The following TDRP variants were observed in gnomAD, a reference collection of about 807,000 sequenced individuals.
The protein encoded by TDRP is testis development related protein.
A neutral mutation model predicts 10.5 loss-of-function variants in TDRP; 12 were observed. The observed-to-expected ratio is 1.15, with a 90% CI of 0.73 to 1.86. The LOEUF (loss-of-function observed/expected upper bound fraction) is 1.86, where lower values mean the gene tolerates loss of function less well. Among genes scored for constraint, TDRP ranks in the 40% most tolerant of loss-of-function variants. TDRP has a pLI of 0.00. For missense variants in TDRP, 353 were observed against 229.2 expected (o/e 1.54, Z -3.49); for synonymous variants, 139 against 95.4 (o/e 1.46, Z -2.67).
At chr8:502,939 C>A (rs538672489) in intron 1 of TDRP, among the ~76,000 whole-genome samples, 8 of 151,874 alleles carry the variant, frequency 5.3e-5, no homozygotes, top group African/African-American at 1.7e-4. Flanking sequence ...AACATTGAAT[C>A]CAGAGCCACA....
chr8:491,797 T>G lies in TDRP; in HGVS notation c.*602A>C. The G allele has an allele frequency of 1.6e-6, 2 of 1,261,610 alleles. No individual in the cohort carries two copies. The highest frequency in any genetic ancestry group is 9.9e-7 in the Non-Finnish European group (1 of 1,005,386). 78.2% of individuals were successfully genotyped at this position (1,261,610 alleles called of 1,614,324 possible). ...TATCCAGTGGACATACAAGAAGCTA[T>G]TCCTCCCTCAGCAAAAGATGAACAT... is the stretch of plus-strand genomic sequence containing the variant. On this transcript the variant is annotated 3_prime_UTR_variant, in exon 3 of 3. Coordinates refer to ENST00000324079, the MANE Select transcript of TDRP (RefSeq NM_001384899.1).
intron 1 of TDRP, among the ~76,000 whole-genome samples, chr8:510,340 C>G (rs1242365861): frequency 6.6e-6 from 1 of 152,096 alleles, no homozygotes; most frequent in Non-Finnish European, 1.5e-5. Context: ...CTTCAAGTCA[C>G]TTCATTAGCA....
intron 1 of TDRP, among the ~76,000 whole-genome samples, chr8:542,980 C>G (rs961052926): frequency 6.6e-6 from 1 of 151,418 alleles, no homozygotes; most frequent in Non-Finnish European, 1.5e-5. Context: ...ATCTCCTATT[C>G]TTCTACTTTT....
Position 492,000 on chromosome 8 carries a change from AGCTGCATTTATACGT to A in TDRP, c.*384_*398del. 1 of 1,116,348 alleles carries A rather than the reference AGCTGCATTTATACGT, an allele frequency of 9.0e-7. No individual in the cohort carries two copies. The highest frequency in any genetic ancestry group is 1.1e-6 in the Non-Finnish European group (1 of 915,698). 69.2% of individuals were successfully genotyped at this position (1,116,348 alleles called of 1,614,324 possible). The stretch of plus-strand genomic sequence containing the variant: ...TAGCAAAAGAAAAGAACTGCATGAC[AGCTGCATTTATACGT>A]GCTACATACAAGAAAAAGGTACGGA... On this transcript the variant is annotated 3_prime_UTR_variant, in exon 3 of 3. Coordinates refer to ENST00000324079, the MANE Select transcript of TDRP (RefSeq NM_001384899.1).
chr8:536,976 C>T (rs1325038634), intron 1 of TDRP, among the ~76,000 whole-genome samples: 1 of 152,202 alleles, frequency 6.6e-6, no homozygotes. Context: ...TCCAATGAGA[C>T]TAACCCTACA....
At chr8:529,082 G>C (rs1185278705) in intron 1 of TDRP, among the ~76,000 whole-genome samples, 1 of 152,090 alleles carries the variant, frequency 6.6e-6, no homozygotes, top group Non-Finnish European at 1.5e-5. Flanking sequence ...TTTATATCCT[G>C]GCTGTGCCAG....
chr8:528,307 G>C (rs1802091103), intron 1 of TDRP, among the ~76,000 whole-genome samples: 1 of 152,300 alleles, frequency 6.6e-6, no homozygotes, highest in South Asian at 2.1e-4. Context: ...TACACTATTG[G>C]TGGGAATGTA....
intron 1 of TDRP, among the ~76,000 whole-genome samples, chr8:501,247 G>C (rs1008522722): frequency 2.6e-5 from 4 of 152,140 alleles, no homozygotes; most frequent in African/African-American, 9.6e-5. Context: ...GTAATGCTCG[G>C]GTCAGCTCAC....
chr8:544,358 C>T (rs1407438145), intron 1 of TDRP, among the ~76,000 whole-genome samples: 1 of 152,040 alleles, frequency 6.6e-6, no homozygotes, highest in Admixed American at 6.5e-5. Context: ...GCAGGGGGCA[C>T]TGGGTCCCCT....
At chr8:502,140 C>T (rs1320491187) in intron 1 of TDRP, among the ~76,000 whole-genome samples, 2 of 152,240 alleles carry the variant, frequency 1.3e-5, no homozygotes, top group African/African-American at 4.8e-5. Context: ...GTGCCCCCAA[C>T]AGGCTAAGGT....
At position 489,952 on chromosome 8, in the gene TDRP, A is replaced by T. The variant is rs1026834220; in HGVS notation, c.*2447T>A. On this transcript the variant is annotated 3_prime_UTR_variant, in exon 3 of 3. Transcript: ENST00000324079. ...ATGCAAACCAATAAGGAAAGAGCTT[A>T]AAAACAGTATTTTTATTTTTAAAAA... 1 of 152,238 alleles carries T rather than the reference A, an allele frequency of 6.6e-6. No homozygotes were observed. The highest frequency in any genetic ancestry group is 1.5e-5 in the Non-Finnish European group (1 of 68,050). 9.4% of individuals were successfully genotyped at this position (152,238 alleles called of 1,614,324 possible).
At chr8:544,839 G>A (rs1802596158), upstream of TDRP, 10 of 1,050,664 alleles carry the variant, frequency 9.5e-6, no homozygotes, top group African/African-American at 1.7e-5. Flanking sequence ...CGCTCTGCCT[G>A]CGGCTCCTGC....
chr8:504,869 T>C (rs1441276385), intron 1 of TDRP, among the ~76,000 whole-genome samples: 2 of 152,144 alleles, frequency 1.3e-5, no homozygotes, highest in Admixed American at 6.5e-5. Flanking sequence ...TCTAAGCCCA[T>C]GAGAGGCATT....
At chr8:524,677 T>C (rs1009291592) in intron 1 of TDRP, among the ~76,000 whole-genome samples, 1 of 151,536 alleles carries the variant, frequency 6.6e-6, no homozygotes, top group Non-Finnish European at 1.5e-5. Context: ...ATATGAAGAA[T>C]GCATCAGTCT....
rs78407317 is a variant in TDRP, at chr8:491,195, G to A, written c.*1204C>T. 9.6e-3 allele frequency: 1,502 copies of A among 155,802 alleles called. 25 individuals are homozygous for A. Among genetic ancestry groups the A allele is most frequent in the African/African-American group, 0.033 (1,396 of 41,754 alleles). 9.7% of individuals were successfully genotyped at this position (155,802 alleles called of 1,614,324 possible). A position where few individuals can be genotyped will look rare whatever the true frequency, so the allele number is the denominator to read the frequency against. On this transcript the variant is annotated 3_prime_UTR_variant, in exon 3 of 3. Coordinates refer to ENST00000324079, the MANE Select transcript of TDRP (RefSeq NM_001384899.1). The stretch of plus-strand genomic sequence containing the variant: ...TGCATGAAACAGCACAGGAGTGCAT[G>A]CCGAGCAACTCAGGAAAGGGTTTTT...
intron 1 of TDRP, among the ~76,000 whole-genome samples, chr8:529,574 G>C (rs547455281): frequency 1.3e-5 from 1 of 76,850 alleles, no homozygotes; most frequent in Non-Finnish European, 2.9e-5. Flanking sequence ...AACTTCTTTG[G>C]CTTTGGTTAT....
intron 1 of TDRP, among the ~76,000 whole-genome samples, chr8:498,603 G>A (rs185660247): frequency 2.0e-5 from 3 of 152,280 alleles, no homozygotes; most frequent in Non-Finnish European, 4.4e-5. Context: ...TGACTTTTGA[G>A]TTAATGCTGG....
At chr8:527,889 C>A (rs1584877912) in intron 1 of TDRP, among the ~76,000 whole-genome samples, 1 of 152,086 alleles carries the variant, frequency 6.6e-6, no homozygotes, top group Non-Finnish European at 1.5e-5. Context: ...CACAGGTAAC[C>A]AAAGCAAAAC....
chr8:508,557 C>G lies in TDRP; in HGVS notation c.109-13960G>C, dbSNP rs551793362. 3.3e-5 allele frequency among the ~76,000 whole-genome samples: 5 copies of G among 152,272 alleles called. No homozygotes were observed. In the South Asian group the frequency reaches 1.0e-3, roughly 32 times the overall value. ...ATCAGATCTCATGAGAACTCACTCACTATCACAAGAATAGCATGCGGGAAA... is the reference window on the plus strand; with the variant it reads ...ATCAGATCTCATGAGAACTCACTCAGTATCACAAGAATAGCATGCGGGAAA... On this transcript the variant is annotated intron_variant, in intron 1 of 2. Coordinates refer to ENST00000324079, the MANE Select transcript of TDRP (RefSeq NM_001384899.1).
Sources: allele counts gnomAD v4.1 joint callset (sites outside exome capture counted in the v4.1 genomes callset), GRCh38; gene constraint gnomAD v4.1.1; transcripts MANE v1.5; gene names NCBI Gene and HGNC (gene_info 2026-07-23, HGNC 2026-07-21).